SCAI: variants seen among roughly 807,000 people sequenced by gnomAD.
SCAI encodes the protein protein SCAI.
SCAI carries 24 observed loss-of-function variants against 92.2 expected under a neutral mutation model. That is an observed-to-expected ratio of 0.26 (90% confidence interval 0.19 to 0.37). The LOEUF is 0.37. Among genes scored for constraint, SCAI ranks in the 10% least tolerant of loss-of-function variants. The probability of loss-of-function intolerance (pLI) is 1.00; values close to 1 mark genes in which losing one functional copy is unlikely to be tolerated. For synonymous variants in SCAI, 261 were observed against 258.6 expected (o/e 1.01, Z -0.09); for missense variants, 450 against 736.2 (o/e 0.61, Z 4.50).
At chr9:125,125,996 C>A (rs997041119) in intron 2 of SCAI, among the ~76,000 whole-genome samples, 27 of 150,800 alleles carry the variant, frequency 1.8e-4, no homozygotes, top group African/African-American at 6.6e-4. Context: ...TAAGAGAAAT[C>A]TTAGCTGGAC....
In SCAI at chr9:125,048,737, TTTAA is replaced by T. The variant is rs901384688; in HGVS notation, c.230+7135_230+7138del. 1.5e-3 allele frequency among the ~76,000 whole-genome samples: 169 copies of T among 114,660 alleles called. 1 individual carries two copies. The highest frequency in any genetic ancestry group is 5.0e-3 in the African/African-American group (157 of 31,550). The allele number at this position is 114,660 out of a possible 152,430, so 75.2% of individuals were successfully genotyped here. A position where few individuals can be genotyped will look rare whatever the true frequency, so the allele number is the denominator to read the frequency against. ...GCATATTTATTTATTTATTTATTTA[TTTAA>T]TTTTATTTTTATTTTATTTTTGGAG... On this transcript the variant is annotated intron_variant, in intron 3 of 17. Coordinates refer to ENST00000336505, the MANE Select transcript of SCAI (RefSeq NM_001144877.3).
At chr9:124,976,538 C>T (rs565067684) in intron 14 of SCAI, among the ~76,000 whole-genome samples, 3 of 152,302 alleles carry the variant, frequency 2.0e-5, no homozygotes, top group African/African-American at 4.8e-5. Flanking sequence ...TTTCCAAGAT[C>T]CAGGATCTGG....
chr9:125,106,126 T>A lies in SCAI; in HGVS notation c.98+36507A>T, dbSNP rs866973724. Among the ~76,000 whole-genome samples, 470 of 59,060 alleles carry A rather than the reference T, an allele frequency of 8.0e-3. 1 individual carries two copies. The highest frequency in any genetic ancestry group is 0.014 in the African/African-American group (132 of 9,674). The allele number at this position is 59,060 out of a possible 152,430, so 38.7% of individuals were successfully genotyped here. A position where few individuals can be genotyped will look rare whatever the true frequency, so the allele number is the denominator to read the frequency against. ...AAAAAAAAAAAAAAAAAAAAAAATA[T>A]ATATATATATATATATATATATATA... On this transcript the variant is annotated intron_variant, in intron 2 of 17. Transcript: ENST00000336505.
rs1214204888 is a variant in SCAI, at chr9:124,995,019, G to A, written c.1245-4C>T. On this transcript the variant is annotated splice_region_variant and splice_polypyrimidine_tract_variant and intron_variant, in intron 13 of 17. Coordinates refer to ENST00000336505, the MANE Select transcript of SCAI (RefSeq NM_001144877.3). ...ATAGAGATCCCCGGGATGAAGGCTG[G>A]GAAAACAACAACGAAGAACTGTTAA... is the stretch of plus-strand genomic sequence containing the variant. 3.1e-6 allele frequency: 5 copies of A among 1,606,282 alleles called. No individual in the cohort carries two copies. The highest frequency in any genetic ancestry group is 4.3e-6 in the Non-Finnish European group (5 of 1,175,278).
intron 7 of SCAI, among the ~76,000 whole-genome samples, chr9:125,019,915 A>C (rs1480927523): frequency 6.6e-6 from 1 of 152,040 alleles, no homozygotes; most frequent in East Asian, 1.9e-4. Flanking sequence ...CTCTACAAAA[A>C]ACACAAAAAT....
At chr9:124,997,857 C>A (rs1293192479) in intron 13 of SCAI, among the ~76,000 whole-genome samples, 4 of 125,926 alleles carry the variant, frequency 3.2e-5, no homozygotes, top group South Asian at 2.5e-4. Flanking sequence ...GCCTGGGCGG[C>A]AGAGTAAAAC....
intron 2 of SCAI, among the ~76,000 whole-genome samples, chr9:125,134,460 G>C (rs538926535): frequency 6.6e-6 from 1 of 152,168 alleles, no homozygotes; most frequent in Non-Finnish European, 1.5e-5. Flanking sequence ...CAAAATGCCC[G>C]GATCTCTTTG....
At chr9:124,975,492 G>A in intron 15 of SCAI, 1 of 286,544 alleles carries the variant, frequency 3.5e-6, no homozygotes, top group Admixed American at 4.1e-5. Context: ...GTTAGAATTA[G>A]ATTTTATGTG....
intron 1 of SCAI, 89 bp from the exon 2 acceptor site, chr9:125,142,766 AC>A: frequency 8.8e-7 from 1 of 1,133,950 alleles, no homozygotes; most frequent in Non-Finnish European, 1.3e-6. Flanking sequence ...AACTAAATAG[AC>A]CACCCTCTGG....
At chr9:125,082,211 C>T (rs1403906387) in intron 2 of SCAI, among the ~76,000 whole-genome samples, 1 of 152,194 alleles carries the variant, frequency 6.6e-6, no homozygotes, top group African/African-American at 2.4e-5. Context: ...GGCCGAGGTA[C>T]AGCTTGGGCT....
At chr9:125,043,436 C>T (rs1833369218) in intron 3 of SCAI, among the ~76,000 whole-genome samples, 1 of 152,092 alleles carries the variant, frequency 6.6e-6, no homozygotes, top group Non-Finnish European at 1.5e-5. Context: ...TTGCTTTTAC[C>T]CATTGGTAGA....
At chr9:125,114,416 A>G (rs899403975) in intron 2 of SCAI, among the ~76,000 whole-genome samples, 2 of 152,184 alleles carry the variant, frequency 1.3e-5, no homozygotes, top group African/African-American at 2.4e-5. Flanking sequence ...AAAAAATTAT[A>G]CATCTAGTAT....
At chr9:124,968,648 G>T in intron 17 of SCAI, 3 of 1,031,414 alleles carry the variant, frequency 2.9e-6, no homozygotes, top group Non-Finnish European at 4.6e-6. Flanking sequence ...TTTCATAGGT[G>T]GTCTCATCTA....
chr9:124,984,298 G>T (rs900021828), intron 14 of SCAI, among the ~76,000 whole-genome samples: 1 of 152,216 alleles, frequency 6.6e-6, no homozygotes, highest in Non-Finnish European at 1.5e-5. Flanking sequence ...GAAGACTGGG[G>T]AGGGAGGGGT....
chr9:125,069,092 C>T (rs1312004864), intron 2 of SCAI, among the ~76,000 whole-genome samples: 2 of 151,806 alleles, frequency 1.3e-5, no homozygotes, highest in South Asian at 4.2e-4. Flanking sequence ...GTGGCATGCA[C>T]CTGTAACCCT....
intron 12 of SCAI, among the ~76,000 whole-genome samples, chr9:125,000,460 G>C (rs761423354): frequency 6.6e-6 from 1 of 151,916 alleles, no homozygotes; most frequent in Non-Finnish European, 1.5e-5. Context: ...GACCAGCCTG[G>C]GCAATATAGT....
chr9:124,969,946 TG>T (rs965681173), intron 17 of SCAI, among the ~76,000 whole-genome samples: 18 of 152,108 alleles, frequency 1.2e-4, no homozygotes, highest in African/African-American at 4.3e-4. Flanking sequence ...CTCCGCCTCC[TG>T]GGTTCAGGCA....
chr9:125,028,299 A>G (rs1361966980), intron 5 of SCAI, 93 bp downstream of exon 5: 5 of 686,092 alleles, frequency 7.3e-6, no homozygotes, highest in Admixed American at 3.0e-5. Context: ...CGTGATTTTC[A>G]TGCCTAGCAA....
At chr9:125,005,366 C>T (rs1362405602) in intron 9 of SCAI, among the ~76,000 whole-genome samples, 1 of 151,850 alleles carries the variant, frequency 6.6e-6, no homozygotes, top group Non-Finnish European at 1.5e-5. Context: ...GAGTTTCGCT[C>T]TGTCACTCAG....
Sources: gnomAD v4.1 joint callset for allele counts (sites outside exome capture counted in the v4.1 genomes callset) on GRCh38, gnomAD v4.1.1 for gene constraint, MANE v1.5 for transcripts, NCBI Gene and HGNC (gene_info 2026-07-23, HGNC 2026-07-21) for gene names.